Variants in NOB1 observed in about 807,000 individuals in gnomAD.
NOB1 encodes the protein RNA-binding protein NOB1.
A neutral mutation model predicts 44.8 loss-of-function variants in NOB1; 44 were observed. The ratio of observed to expected loss-of-function variants is 0.98; its 90% CI spans 0.77 to 1.26. The LOEUF is 1.26. NOB1 is among the 50% of genes most tolerant of loss of function. The pLI, the probability that NOB1 is intolerant of heterozygous loss-of-function variation, is 0.00. For missense variants in NOB1, 560 were observed against 544.8 expected (o/e 1.03, Z -0.28); for synonymous variants, 238 against 218.7 (o/e 1.09, Z -0.78).
Position 69,748,861 on chromosome 16 carries a change from C to T in NOB1, c.726+57G>A, listed in dbSNP as rs1253666110. 19 of 1,443,244 alleles carry T rather than the reference C, an allele frequency of 1.3e-5. 1 individual carries two copies. In the South Asian group the frequency reaches 1.9e-4, roughly 14 times the overall value. 89.4% of individuals were successfully genotyped at this position (1,443,244 alleles called of 1,614,324 possible). A position where few individuals can be genotyped will look rare whatever the true frequency, so the allele number is the denominator to read the frequency against. On this transcript the variant is annotated intron_variant, in intron 6 of 8. Transcript: ENST00000268802. ...CAGTTCCGTGTACATCTGTACACCT[C>T]GGTAGGACCACTGCCGATGACGTGT...
intron 7 of NOB1, among the ~76,000 whole-genome samples, chr16:69,747,238 A>G (rs1029222543): frequency 6.6e-6 from 1 of 151,356 alleles, no homozygotes; most frequent in Non-Finnish European, 1.5e-5. Context: ...AAAAAAAAAA[A>G]AAAAAGATAA....
chr16:69,747,134 T>A (rs1010153803), intron 7 of NOB1, among the ~76,000 whole-genome samples: 19 of 146,102 alleles, frequency 1.3e-4, no homozygotes, highest in Non-Finnish European at 1.9e-4. Context: ...GGCAGGAGAA[T>A]CGCTTGAACC....
intron 7 of NOB1, among the ~76,000 whole-genome samples, chr16:69,747,583 C>A (rs557663892): frequency 6.6e-6 from 1 of 152,280 alleles, no homozygotes; most frequent in Admixed American, 6.5e-5. Flanking sequence ...CTTATTTTAT[C>A]TTCACCCCCA....
Position 69,748,990 on chromosome 16 carries a change from CT to C in NOB1, c.653del (p.Gln218ArgfsTer18). 2 of 1,614,236 alleles carry C rather than the reference CT, an allele frequency of 1.2e-6. No individual in the cohort carries two copies. Among genetic ancestry groups the C allele is most frequent in the African/African-American group, 2.7e-5 (2 of 75,084 alleles). On this transcript the variant is annotated frameshift_variant, in exon 6 of 9. Transcript: ENST00000268802. LOFTEE classifies it high-confidence loss of function. ...GGACGTCACACTGCTCCAGCTCCTGCTGGATCTGCTTGATGTTACTGGGGGT... is the reference window on the plus strand; with the variant it reads ...GGACGTCACACTGCTCCAGCTCCTGCGGATCTGCTTGATGTTACTGGGGGT... ...WITPSNIKQI[Q>X]QELEQCDVPE...
intron 8 of NOB1, 152 bp downstream of exon 8, chr16:69,744,721 T>A: frequency 2.5e-6 from 2 of 810,034 alleles, no homozygotes; most frequent in Non-Finnish European, 1.9e-6. Context: ...TGAGATGGCA[T>A]CTGTCACACA....
rs200769662 is a variant in NOB1 at position 69,754,623 on chromosome 16, T to C, written c.167A>G (p.Lys56Arg). 1.1e-4 allele frequency: 176 copies of C among 1,614,060 alleles called. No individual in the cohort carries two copies. The highest frequency in any genetic ancestry group is 8.9e-4 in the East Asian group (40 of 44,900). The change falls in exon 2 of 9, where the codon AAG (lysine) becomes AGG (arginine). Residue 56 changes from lysine to arginine, a missense_variant. Physicochemically the swap from Lys to Arg is conservative, Grantham distance 26. Coordinates refer to ENST00000268802, the MANE Select transcript of NOB1 (RefSeq NM_014062.3). ...LAVLPYELRFKEPLPEYVRLV... is the reference protein window; with the variant it reads ...LAVLPYELRFREPLPEYVRLV... ...CCGCACGTATTCCGGTAAGGGCTCC[T>C]TGAACCGCAGCTCGTAGGGCAGGAC...
At chr16:69,752,207 A>G in intron 3 of NOB1, 34 bp downstream of exon 3, 2 of 1,601,398 alleles carry the variant, frequency 1.2e-6, no homozygotes. Context: ...TTCCCATAAT[A>G]CAAAGCTTTT....
At chr16:69,743,000 A>C (rs957112374) in intron 8 of NOB1, among the ~76,000 whole-genome samples, 1 of 152,042 alleles carries the variant, frequency 6.6e-6, no homozygotes. Flanking sequence ...TGCATAAAAA[A>C]CCAGAGCTCC....
intron 2 of NOB1, 129 bp downstream of exon 2, chr16:69,754,463 AAT>A: frequency 7.1e-6 from 9 of 1,272,864 alleles, no homozygotes; most frequent in Non-Finnish European, 9.8e-6. Context: ...CTCCTACCAC[AAT>A]CTCCTAGAAA....
chr16:69,742,616 A>G lies in NOB1; in HGVS notation c.970-15T>C. On this transcript the variant is annotated splice_polypyrimidine_tract_variant and intron_variant, in intron 8 of 8. Transcript: ENST00000268802. ...GGAAGCGAGTACTGGAAATAAGACA[A>G]GGAAGGGCCATTAGAAGAAGGGGAG... The G allele has an allele frequency of 6.2e-7, 1 of 1,612,758 alleles. No homozygotes were observed. The highest frequency in any genetic ancestry group is 8.5e-7 in the Non-Finnish European group (1 of 1,178,886).
rs1437689934 is a variant in NOB1 at position 69,744,924 on chromosome 16, C to T, written c.918G>A (p.Leu306=). ...VSVTVSDDGT[L]HMHFSRNPKV... ...TGGGGTTGCGGGAGAAGTGCATGTG[C>T]AGGGTGCCGTCGTCGCTGACGGTCA... Residue 306 remains leucine (L), a synonymous_variant, in exon 8 of 9, where the codon CTG becomes CTA. Coordinates refer to ENST00000268802, the MANE Select transcript of NOB1 (RefSeq NM_014062.3). 1.2e-6 allele frequency: 2 copies of T among 1,614,140 alleles called. No individual in the cohort carries two copies. The highest frequency in any genetic ancestry group is 8.5e-7 in the Non-Finnish European group (1 of 1,180,036).
rs199699618 is a variant in NOB1, at chr16:69,748,250, C to T, written c.806G>A (p.Arg269His). Reference sequence around the variant, plus strand: ...TACATACTTGAAACAGCCATGGCAGCGCAAGATGTAGCTCCGGGCCTCACG... The same window carrying T: ...TACATACTTGAAACAGCCATGGCAGTGCAAGATGTAGCTCCGGGCCTCACG... ...LIREARSYIL[R>H]CHGCFKTTSD... Residue 269 changes from arginine to histidine, a missense_variant, in exon 7 of 9, where the codon CGC becomes CAC. Physicochemically the swap from Arg to His is conservative, Grantham distance 29. Coordinates refer to ENST00000268802, the MANE Select transcript of NOB1 (RefSeq NM_014062.3). The T allele has an allele frequency of 4.5e-5, 72 of 1,613,556 alleles. No individual in the cohort carries two copies. Among genetic ancestry groups the T allele is most frequent in the Middle Eastern group, 1.6e-4 (1 of 6,084 alleles).
chr16:69,750,527 T>C (rs2038474261), intron 3 of NOB1, among the ~76,000 whole-genome samples: 1 of 152,058 alleles, frequency 6.6e-6, no homozygotes, highest in Admixed American at 6.6e-5. Context: ...CTCGGGAGGC[T>C]GAGGTAGGAG....
At chr16:69,745,470 C>T (rs887209325) in intron 7 of NOB1, among the ~76,000 whole-genome samples, 8 of 152,228 alleles carry the variant, frequency 5.3e-5, no homozygotes, top group Non-Finnish European at 8.8e-5. Flanking sequence ...GGCACTTTCT[C>T]GAGGGGCACC....
At chr16:69,743,421 C>T (rs1302183171) in intron 8 of NOB1, among the ~76,000 whole-genome samples, 1 of 152,146 alleles carries the variant, frequency 6.6e-6, no homozygotes, top group East Asian at 1.9e-4. Context: ...AATAACTTTA[C>T]AGGGGATTAA....
rs367545163 is a variant in NOB1 at position 69,744,736 on chromosome 16, C to A, written c.969+137G>T. The A allele has an allele frequency of 1.1e-5, 11 of 957,874 alleles. No individual in the cohort carries two copies. The East Asian group carries it at 2.1e-4, about 18-fold the overall frequency. The allele number at this position is 957,874 out of a possible 1,614,324, so 59.3% of individuals were successfully genotyped here. Reference sequence around the variant, plus strand: ...TGAGATGGCATCTGTCACACACTCTCCCCACTCCGTCTTGGTACCTAGGTC... The same window carrying A: ...TGAGATGGCATCTGTCACACACTCTACCCACTCCGTCTTGGTACCTAGGTC... On this transcript the variant is annotated intron_variant, in intron 8 of 8. Coordinates refer to ENST00000268802, the MANE Select transcript of NOB1 (RefSeq NM_014062.3).
At chr16:69,750,764 C>T (rs574741715) in intron 3 of NOB1, among the ~76,000 whole-genome samples, 13 of 152,230 alleles carry the variant, frequency 8.5e-5, no homozygotes, top group African/African-American at 2.9e-4. Context: ...CAGAGAGACC[C>T]CATCTTTCTT....
At position 69,754,650 on chromosome 16, in the gene NOB1, G is replaced by A. The variant is rs1014453392; in HGVS notation, c.140C>T (p.Ala47Val). 1 of 1,614,080 alleles carries A rather than the reference G, an allele frequency of 6.2e-7. No individual in the cohort carries two copies. Among genetic ancestry groups the A allele is most frequent in the African/African-American group, 1.3e-5 (1 of 74,940 alleles). Reference protein sequence around the residue: ...IRDKATRRRLAVLPYELRFKE... With the variant: ...IRDKATRRRLVVLPYELRFKE... ...GAACCGCAGCTCGTAGGGCAGGACA[G>A]CGAGCCGCCTGCGTGTGGCCTTGTC... is the stretch of plus-strand genomic sequence containing the variant. The change falls in exon 2 of 9, where the codon GCT becomes GTT. Residue 47 changes from alanine (A) to valine (V), a missense_variant. Coordinates refer to ENST00000268802, the MANE Select transcript of NOB1 (RefSeq NM_014062.3).
intron 7 of NOB1, among the ~76,000 whole-genome samples, chr16:69,747,356 CGTGAGACCTCGTCTCAAAGAAAA>C (rs1411982799): frequency 6.6e-6 from 1 of 151,734 alleles, no homozygotes; most frequent in Non-Finnish European, 1.5e-5. Flanking sequence ...TGGGCAACAT[CGTGAGACCTCGTCTCAAAGAAAA>C]GAATCTGAAG....
Sources: gnomAD v4.1 joint callset for allele counts (sites outside exome capture counted in the v4.1 genomes callset) on GRCh38, gnomAD v4.1.1 for gene constraint, MANE v1.5 for transcripts, NCBI Gene and HGNC (gene_info 2026-07-23, HGNC 2026-07-21) for gene names.